Variants in WDR45B observed in about 807,000 individuals in gnomAD.
WDR45B encodes the protein WD repeat domain 45B, also known as WD repeat domain phosphoinositide-interacting protein 3.
WDR45B carries 20 observed loss-of-function variants against 44.6 expected under a neutral mutation model. The ratio of observed to expected loss-of-function variants is 0.45; its 90% confidence interval spans 0.32 to 0.65. The LOEUF (loss-of-function observed/expected upper bound fraction) is 0.65, where lower values mean the gene tolerates loss of function less well. Among genes scored for constraint, WDR45B ranks in the 30% least tolerant of loss-of-function variants. The pLI is 0.05. For missense variants in WDR45B, 323 were observed against 430.2 expected, an observed-to-expected ratio of 0.75 and a Z score of 2.20; for synonymous variants, 169 against 164.9, an observed-to-expected ratio of 1.02 and a Z score of -0.19.
intron 4 of WDR45B, among the ~76,000 whole-genome samples, chr17:82,626,521 G>C (rs530407282): frequency 7.3e-5 from 7 of 96,442 alleles, no homozygotes; most frequent in Non-Finnish European, 1.2e-4. Flanking sequence ...AACAGAGCAA[G>C]ACTCTATCTC....
At chr17:82,640,356 T>TC (rs1316051867) in intron 2 of WDR45B, among the ~76,000 whole-genome samples, 3 of 150,432 alleles carry the variant, frequency 2.0e-5, no homozygotes, top group Non-Finnish European at 4.4e-5. Flanking sequence ...TTTTTTTCTT[T>TC]TTTTTTTTTT....
intron 8 of WDR45B, among the ~76,000 whole-genome samples, 185 bp downstream of exon 8, chr17:82,617,111 C>T (rs1218800175): frequency 1.3e-5 from 2 of 152,180 alleles, no homozygotes; most frequent in African/African-American, 2.4e-5. Flanking sequence ...GCCACTGTGC[C>T]CAGCCTGCAC....
intron 3 of WDR45B, among the ~76,000 whole-genome samples, chr17:82,627,678 C>T (rs1005278479): frequency 2.0e-5 from 3 of 152,252 alleles, no homozygotes; most frequent in Admixed American, 6.5e-5. Context: ...CCCTCCCCGT[C>T]CGTTCCTCTC....
At chr17:82,625,667 G>C in intron 4 of WDR45B, 184 bp from the exon 5 acceptor site, 1 of 630,150 alleles carries the variant, frequency 1.6e-6, no homozygotes, top group Non-Finnish European at 2.8e-6. Context: ...GCGAGTGCAC[G>C]TGGGCTGGCT....
At chr17:82,626,175 C>T (rs150767838) in intron 4 of WDR45B, among the ~76,000 whole-genome samples, 3,743 of 151,760 alleles carry the variant, frequency 0.025, 66 homozygotes, top group Non-Finnish European at 0.038. Context: ...GCCACGGTGC[C>T]CGGCCACATT....
chr17:82,617,797 G>GGTCA (rs2045558945), intron 7 of WDR45B, among the ~76,000 whole-genome samples: 1 of 152,222 alleles, frequency 6.6e-6, no homozygotes, highest in Non-Finnish European at 1.5e-5. Flanking sequence ...CCCCTATGGA[G>GGTCA]GTCAGCTGGG....
chr17:82,634,136 G>A (rs1399737914), intron 2 of WDR45B, among the ~76,000 whole-genome samples: 1 of 89,382 alleles, frequency 1.1e-5, no homozygotes, highest in Non-Finnish European at 2.0e-5. Context: ...GGGTGACACA[G>A]TGAGACTCCA....
intron 4 of WDR45B, among the ~76,000 whole-genome samples, chr17:82,626,533 C>CA (rs562186058): frequency 0.03 from 2,391 of 79,018 alleles, 116 homozygotes; most frequent in African/African-American, 0.078. Context: ...CTCTATCTCC[C>CA]AAAAAAAAAA....
Position 82,615,277 on chromosome 17 carries a change from G to GCACGGGCACAGGTGACGT in WDR45B, c.*624_*641dup, listed in dbSNP as rs1169347057. ...GCCCCAACGGAGACGGGGACGCCACGCACGGGCACAGGTGACGTCACGGGC... is the reference window on the plus strand; with the variant it reads ...GCCCCAACGGAGACGGGGACGCCACGCACGGGCACAGGTGACGTCACGGGCACAGGTGACGTCACGGGC... On this transcript the variant is annotated 3_prime_UTR_variant, in exon 10 of 10. Transcript: ENST00000392325. The GCACGGGCACAGGTGACGT allele has an allele frequency of 6.4e-6, 1 of 155,874 alleles. No individual in the cohort carries two copies. Among genetic ancestry groups the GCACGGGCACAGGTGACGT allele is most frequent in the Admixed American group, 6.1e-5 (1 of 16,304 alleles). 9.7% of individuals were successfully genotyped at this position (155,874 alleles called of 1,614,324 possible).
intron 1 of WDR45B, among the ~76,000 whole-genome samples, chr17:82,645,644 A>C (rs548580407): frequency 1.3e-5 from 2 of 152,330 alleles, no homozygotes; most frequent in South Asian, 2.1e-4. Flanking sequence ...TCCTAGGTAT[A>C]TAGAAGTACA....
intron 8 of WDR45B, among the ~76,000 whole-genome samples, chr17:82,616,904 A>AC: frequency 6.6e-6 from 1 of 151,608 alleles, no homozygotes; most frequent in Admixed American, 6.6e-5. Flanking sequence ...TGCAGCCTCC[A>AC]CCTCCCGGCT....
Position 82,636,858 on chromosome 17 carries a change from C to T in WDR45B, c.143-5836G>A, listed in dbSNP as rs370667472. Among the ~76,000 whole-genome samples the T allele has an allele frequency of 3.9e-4, 59 of 152,064 alleles. 1 individual carries two copies. The South Asian group carries it at 0.012, about 31-fold the overall frequency. On this transcript the variant is annotated intron_variant, in intron 2 of 9. Transcript: ENST00000392325. ...TTCCCCTGAAACTGCACGTCTCACA[C>T]GCTCCACCTCTGTACCTCACATCCC...
At chr17:82,618,988 A>G in intron 7 of WDR45B, 55 bp downstream of exon 7, 1 of 1,562,500 alleles carries the variant, frequency 6.4e-7, no homozygotes, top group East Asian at 2.2e-5. Context: ...CCAAAGGCCC[A>G]CTTCCGTGCT....
intron 2 of WDR45B, among the ~76,000 whole-genome samples, 194 bp from the exon 3 acceptor site, chr17:82,631,216 A>G (rs2045762099): frequency 6.6e-6 from 1 of 150,510 alleles, no homozygotes; most frequent in African/African-American, 2.4e-5. Context: ...GCAGCCTTGA[A>G]CTCCTGGGCT....
At chr17:82,631,616 T>C (rs1161375288) in intron 2 of WDR45B, among the ~76,000 whole-genome samples, 1 of 62,050 alleles carries the variant, frequency 1.6e-5, no homozygotes, top group Non-Finnish European at 3.0e-5. Flanking sequence ...GCAATTTATA[T>C]CTAACTATCG....
At chr17:82,617,762 C>T (rs1212765484) in intron 7 of WDR45B, among the ~76,000 whole-genome samples, 2 of 152,168 alleles carry the variant, frequency 1.3e-5, no homozygotes, top group African/African-American at 2.4e-5. Context: ...CTCCAATGAT[C>T]CTGGCCTCAG....
Position 82,621,768 on chromosome 17 carries a change from G to T in WDR45B, c.459C>A (p.Asn153Lys). The change falls in exon 6 of 10, where the codon AAC becomes AAA. Residue 153 changes from asparagine (N) to lysine (K), a missense_variant. Transcript: ENST00000392325. ...GCGTGCCCGGAAAGGCCAGGAGGGA[G>T]TTGTTACTATTGGGACAAAGGACAC... ...GLCVLCPNSN[N>K]SLLAFPGTHT... is the part of the protein sequence containing the mutation. 6.2e-7 allele frequency: 1 copy of T among 1,614,210 alleles called. No individual in the cohort carries two copies. Among genetic ancestry groups the T allele is most frequent in the Non-Finnish European group, 8.5e-7 (1 of 1,180,054 alleles).
chr17:82,616,055 G>A (rs745550630), intron 9 of WDR45B, 30 bp from the exon 10 acceptor site: 38 of 1,595,172 alleles, frequency 2.4e-5, no homozygotes, highest in Non-Finnish European at 3.1e-5. Flanking sequence ...TTTTACCTGT[G>A]TGTTTCTTTC....
At chr17:82,640,869 C>G (rs1251689593) in intron 2 of WDR45B, among the ~76,000 whole-genome samples, 2 of 152,090 alleles carry the variant, frequency 1.3e-5, no homozygotes, top group African/African-American at 4.8e-5. Flanking sequence ...CACAGCCGAG[C>G]TGGCAGACGC....
Sources: gnomAD v4.1 joint callset for allele counts (sites outside exome capture counted in the v4.1 genomes callset) on GRCh38, gnomAD v4.1.1 for gene constraint, MANE v1.5 for transcripts, NCBI Gene and HGNC (gene_info 2026-07-23, HGNC 2026-07-21) for gene names.